Variants in TXNRD1 observed in about 807,000 individuals in gnomAD.
TXNRD1 encodes thioredoxin reductase 1, cytoplasmic.
A neutral mutation model predicts 80.3 loss-of-function variants in TXNRD1; 57 were observed. The observed-to-expected ratio is 0.71, with a 90% CI of 0.57 to 0.89. The LOEUF is 0.89. Ranked by LOEUF, TXNRD1 falls within the 40% of genes least tolerant of loss-of-function variation. The pLI is 0.00. For missense variants in TXNRD1, 730 were observed against 803.0 expected, an observed-to-expected ratio of 0.91 and a Z score of 1.10; for synonymous variants, 291 against 285.2, an observed-to-expected ratio of 1.02 and a Z score of -0.20.
In TXNRD1 at chr12:104,252,690, A is replaced by ATTTTTT. The variant is rs869239974; in HGVS notation, c.243+1037_243+1042dup. On this transcript the variant is annotated intron_variant, in intron 2 of 16. Transcript: ENST00000525566. ...TATATATATATATATATATATATAT[A>ATTTTTT]TTTTTTTTTTTTTTTTTTTTTTTTT... 2.3e-4 allele frequency among the ~76,000 whole-genome samples: 9 copies of ATTTTTT among 39,662 alleles called. 2 individuals carry two copies. The highest frequency in any genetic ancestry group is 1.1e-3 in the African/African-American group (9 of 8,542). 26.0% of individuals were successfully genotyped at this position (39,662 alleles called of 152,430 possible).
At chr12:104,277,697 G>C (rs1423277609) in intron 3 of TXNRD1, among the ~76,000 whole-genome samples, 1 of 151,732 alleles carries the variant, frequency 6.6e-6, no homozygotes, top group Non-Finnish European at 1.5e-5. Flanking sequence ...AGGTTACCGG[G>C]GTTTTTTTTT....
rs1373949700 is a variant in TXNRD1, at chr12:104,289,033, C to G, written c.407C>G (p.Thr136Ser). ...AGAAAGATAGGCGGCCATGGTCCAA[C>G]CTTGAAGGTAGGAGAGAGTAACGTA... ...KQRKIGGHGP[T>S]LKAYQEGRLQ... Residue 136 changes from threonine (T) to serine (S), a missense_variant, in exon 4 of 17, where the codon ACC (threonine) becomes AGC (serine). Transcript: ENST00000525566. 1.9e-6 allele frequency: 3 copies of G among 1,613,748 alleles called. No homozygotes were observed.
intron 4 of TXNRD1, among the ~76,000 whole-genome samples, chr12:104,290,332 T>A (rs1410194485): frequency 6.6e-6 from 1 of 152,174 alleles, no homozygotes; most frequent in Non-Finnish European, 1.5e-5. Flanking sequence ...TAGCTTTAGT[T>A]AAAATATATT....
At chr12:104,261,006 A>G (rs2033356115) in intron 3 of TXNRD1, among the ~76,000 whole-genome samples, 2 of 152,122 alleles carry the variant, frequency 1.3e-5, no homozygotes, top group South Asian at 4.1e-4. Context: ...CAGATGTTTT[A>G]TTTCTAAATC....
At position 104,235,817 on chromosome 12, in the gene TXNRD1, C is replaced by T. The variant is rs1284713687; in HGVS notation, c.92-15710C>T. ...TACAAGCTTCCATGTTGTTTCATGT[C>T]CTTGGGAACATAACCTGTAGCCACG... On this transcript the variant is annotated intron_variant, in intron 1 of 16. Transcript: ENST00000525566. Among the ~76,000 whole-genome samples, 5 of 152,162 alleles carry T rather than the reference C, an allele frequency of 3.3e-5. No homozygotes were observed. In the East Asian group the frequency reaches 9.6e-4, roughly 29 times the overall value.
chr12:104,324,255 T>G (rs2035673130), intron 10 of TXNRD1, among the ~76,000 whole-genome samples: 1 of 152,176 alleles, frequency 6.6e-6, no homozygotes, highest in African/African-American at 2.4e-5. Context: ...GAGAGGCTCA[T>G]TTAACTATAT....
At chr12:104,311,730 C>T (rs1010566410) in intron 5 of TXNRD1, among the ~76,000 whole-genome samples, 4 of 152,070 alleles carry the variant, frequency 2.6e-5, no homozygotes, top group African/African-American at 9.7e-5. Flanking sequence ...CCTGTAATCC[C>T]AGCACTTTGG....
rs12315416 is a variant in TXNRD1, at chr12:104,324,982, T to C, written c.1216-355T>C. 9.4e-3 allele frequency among the ~76,000 whole-genome samples: 1,434 copies of C among 152,328 alleles called. 25 individuals are homozygous for C. The highest frequency in any genetic ancestry group is 0.033 in the African/African-American group (1,353 of 41,558). On this transcript the variant is annotated intron_variant, in intron 10 of 16. Coordinates refer to ENST00000525566, the MANE Select transcript of TXNRD1 (RefSeq NM_001093771.3). ...CAACAGTTGCCCTCCATGGGATTAA[T>C]GATTCTGGGTGAATCACAAGATAGA...
intron 4 of TXNRD1, among the ~76,000 whole-genome samples, chr12:104,292,863 A>G (rs2034275973): frequency 6.6e-6 from 1 of 152,236 alleles, no homozygotes; most frequent in African/African-American, 2.4e-5. Context: ...AATACCCAAA[A>G]CATATTTGTT....
chr12:104,332,749 C>CAAAAAA (rs34106883), intron 14 of TXNRD1, among the ~76,000 whole-genome samples: 151 of 76,608 alleles, frequency 2.0e-3, no homozygotes, highest in African/African-American at 2.9e-3. Flanking sequence ...AACTCCGTCT[C>CAAAAAA]AAAAAAAAAA....
chr12:104,340,500 A>G (rs975360343), intron 16 of TXNRD1, among the ~76,000 whole-genome samples: 7 of 152,218 alleles, frequency 4.6e-5, no homozygotes, highest in Admixed American at 1.3e-4. Flanking sequence ...AGATGTCAGC[A>G]GGGCCAAGCT....
At chr12:104,269,338 GT>G (rs2033603256) in intron 3 of TXNRD1, among the ~76,000 whole-genome samples, 2 of 151,384 alleles carry the variant, frequency 1.3e-5, no homozygotes, top group South Asian at 4.2e-4. Context: ...CATTAATTCA[GT>G]CATGTCATCA....
At chr12:104,242,272 G>T (rs1233394061) in intron 1 of TXNRD1, among the ~76,000 whole-genome samples, 1 of 151,608 alleles carries the variant, frequency 6.6e-6, no homozygotes, top group Admixed American at 6.6e-5. Context: ...TGTAGTGTCT[G>T]GGTGCGGCGG....
intron 6 of TXNRD1, among the ~76,000 whole-genome samples, chr12:104,314,422 G>T (rs2035242792): frequency 6.6e-6 from 1 of 152,184 alleles, no homozygotes; most frequent in South Asian, 2.1e-4. Context: ...GTCAATCTGT[G>T]TCAGACACTG....
chr12:104,265,662 C>T (rs1593725204), intron 3 of TXNRD1: 4 of 1,605,854 alleles, frequency 2.5e-6, no homozygotes, highest in East Asian at 2.2e-5. Flanking sequence ...CCCGGCACCG[C>T]GCCCGAGCCC....
intron 4 of TXNRD1, chr12:104,303,752 C>G: frequency 1.9e-6 from 2 of 1,051,116 alleles, no homozygotes; most frequent in Admixed American, 3.5e-5. Flanking sequence ...GGCGGGCGTC[C>G]TCGGCTCTAA....
intron 1 of TXNRD1, among the ~76,000 whole-genome samples, chr12:104,220,740 C>A (rs934629554): frequency 1.9e-4 from 6 of 31,860 alleles, no homozygotes; most frequent in African/African-American, 3.1e-4. Flanking sequence ...AAAAAAAAAA[C>A]GGTGGGGGGG....
rs2035948655 is a variant in TXNRD1, at chr12:104,331,600, G to C, written c.1609G>C (p.Glu537Gln). The change falls in exon 14 of 17, where the codon GAG (glutamate) becomes CAG (glutamine). Residue 537 changes from glutamate to glutamine, a missense_variant. Coordinates refer to ENST00000525566, the MANE Select transcript of TXNRD1 (RefSeq NM_001093771.3). ...GGAATATGGTGCTTGTGGCCTTTCT[G>C]AGGAGAAAGCTGTGGAGAAGTTTGG... is the stretch of plus-strand genomic sequence containing the variant. ...PLEYGACGLS[E>Q]EKAVEKFGEE... 1.2e-6 allele frequency: 2 copies of C among 1,612,598 alleles called. No individual in the cohort carries two copies. Among genetic ancestry groups the C allele is most frequent in the Non-Finnish European group, 1.7e-6 (2 of 1,179,180 alleles).
intron 16 of TXNRD1, 32 bp downstream of exon 16, chr12:104,339,305 G>A (rs1197064853): frequency 6.2e-7 from 1 of 1,612,584 alleles, no homozygotes; most frequent in African/African-American, 1.3e-5. Flanking sequence ...AGTTTAAAAT[G>A]TTTAAAATGT....
Sources: gnomAD v4.1 joint callset for allele counts (sites outside exome capture counted in the v4.1 genomes callset) on GRCh38, gnomAD v4.1.1 for gene constraint, MANE v1.5 for transcripts, NCBI Gene and HGNC (gene_info 2026-07-23, HGNC 2026-07-21) for gene names.